The following GARIN6 variants were observed in gnomAD, a reference collection of about 807,000 sequenced individuals.
GARIN6 encodes Golgi-associated RAB2 interactor protein 6.
the GARIN6 span, chr12:99,648,316 A>C: frequency 1.9e-6 from 3 of 1,614,140 alleles, no homozygotes; most frequent in Non-Finnish European, 2.5e-6. Flanking sequence ...CATGTTTGAG[A>C]GCGACTTTAT....
chr12:99,649,042 C>A, the GARIN6 span, among the ~76,000 whole-genome samples: 1 of 152,104 alleles, frequency 6.6e-6, no homozygotes, highest in Admixed American at 6.6e-5. Context: ...CACAGCTGTT[C>A]ATTTTATATC....
At chr12:99,648,790 G>A in the GARIN6 span, 2 of 1,608,392 alleles carry the variant, frequency 1.2e-6, no homozygotes, top group Non-Finnish European at 1.7e-6. Context: ...GAGCCCAGTG[G>A]TGAGTCTATG....
the GARIN6 span, chr12:99,648,451 G>T: frequency 3.1e-6 from 5 of 1,614,162 alleles, no homozygotes; most frequent in Middle Eastern, 1.6e-4. Flanking sequence ...CCGACCAGCT[G>T]CTGTCTGTGA....
At chr12:99,648,172 G>T in the GARIN6 span, 1 of 1,608,190 alleles carries the variant, frequency 6.2e-7, no homozygotes, top group South Asian at 1.1e-5. Context: ...TTTAAAGGAA[G>T]ACATGGAGGA....
At chr12:99,648,474 T>C in the GARIN6 span, 3 of 1,614,146 alleles carry the variant, frequency 1.9e-6, no homozygotes, top group South Asian at 3.3e-5. Context: ...ATGCCAGGTG[T>C]GGTCCTGCCA....
chr12:99,648,433 C>T, the GARIN6 span: 62 of 1,614,198 alleles, frequency 3.8e-5, no homozygotes, highest in Non-Finnish European at 5.2e-5. Context: ...TGATGTCATG[C>T]TGCTGGCCCG....
At chr12:99,649,498 G>GT in the GARIN6 span, 1 of 907,656 alleles carries the variant, frequency 1.1e-6, no homozygotes, top group Non-Finnish European at 1.8e-6. Flanking sequence ...AGCAACAGCA[G>GT]TAGTGATGAC....
chr12:99,648,161 ATT>A, the GARIN6 span: 1 of 1,605,222 alleles, frequency 6.2e-7, no homozygotes, highest in Non-Finnish European at 8.5e-7. Context: ...AACTGTCTTG[ATT>A]TAAAGGAAGA....
the GARIN6 span, chr12:99,648,797 T>C: frequency 6.2e-7 from 1 of 1,604,282 alleles, no homozygotes; most frequent in Non-Finnish European, 8.5e-7. Flanking sequence ...GTGGTGAGTC[T>C]ATGCAGAGAC....
chr12:99,649,397 G>T, the GARIN6 span: 5 of 1,609,318 alleles, frequency 3.1e-6, no homozygotes, highest in Non-Finnish European at 8.5e-7. Flanking sequence ...ATAGAGATAT[G>T]AATCCAACAT....
At chr12:99,648,263 G>A in the GARIN6 span, 13 of 1,614,020 alleles carry the variant, frequency 8.1e-6, no homozygotes, top group Middle Eastern at 3.3e-4. Flanking sequence ...AAGCTGCAGC[G>A]GCAACTGTAC....
chr12:99,648,206 C>T, the GARIN6 span: 80 of 1,613,966 alleles, frequency 5.0e-5, no homozygotes, highest in Admixed American at 3.0e-4. Context: ...CCGTATTACA[C>T]GGCCCAAAGC....
At chr12:99,649,501 G>A in the GARIN6 span, 1 of 863,460 alleles carries the variant, frequency 1.2e-6, no homozygotes, top group Non-Finnish European at 1.9e-6. Context: ...AACAGCAGTA[G>A]TGATGACAGT....
chr12:99,649,178 CACA>C, the GARIN6 span: 1 of 864,936 alleles, frequency 1.2e-6, no homozygotes, highest in Non-Finnish European at 1.9e-6. Flanking sequence ...TTGGTGGCAA[CACA>C]ACATGTTTGT....
At chr12:99,648,733 C>T in the GARIN6 span, 12 of 1,613,814 alleles carry the variant, frequency 7.4e-6, no homozygotes, top group Non-Finnish European at 1.0e-5. Flanking sequence ...CAGGGCTATC[C>T]TAGCTGGGAA....
the GARIN6 span, chr12:99,648,110 C>A: frequency 6.5e-7 from 1 of 1,547,924 alleles, no homozygotes; most frequent in Non-Finnish European, 8.7e-7. Flanking sequence ...AACAGGATGC[C>A]CGCTAAAGCA....
At chr12:99,648,283 T>A in the GARIN6 span, 1 of 1,614,006 alleles carries the variant, frequency 6.2e-7, no homozygotes, top group South Asian at 1.1e-5. Context: ...CAAAGGCGAG[T>A]ATACTATATT....
the GARIN6 span, chr12:99,649,603 T>C: frequency 1.9e-6 from 1 of 531,442 alleles, no homozygotes; most frequent in Non-Finnish European, 3.4e-6. Context: ...CCTTCAGAGG[T>C]CCAGGAGGAA....
chr12:99,648,211 C>A, the GARIN6 span: 1 of 1,614,098 alleles, frequency 6.2e-7, no homozygotes, highest in Non-Finnish European at 8.5e-7. Context: ...TTACACGGCC[C>A]AAAGCAGCCC....
Sources: gnomAD v4.1 joint callset for allele counts (sites outside exome capture counted in the v4.1 genomes callset) on GRCh38, gnomAD v4.1.1 for gene constraint, MANE v1.5 for transcripts, NCBI Gene and HGNC (gene_info 2026-07-23, HGNC 2026-07-21) for gene names.